The following GABRG3 variants were observed in gnomAD, a reference collection of about 807,000 sequenced individuals.
The protein encoded by GABRG3 is gamma-aminobutyric acid type A receptor subunit gamma3.
A neutral mutation model predicts 48.8 loss-of-function variants in GABRG3; 25 were observed. That is an observed-to-expected ratio of 0.51 (90% CI 0.37 to 0.72). GABRG3 has a LOEUF of 0.72. GABRG3 is among the 30% of genes least tolerant of loss of function. The pLI, the probability that GABRG3 is intolerant of heterozygous loss-of-function variation, is 0.00. For missense variants in GABRG3, 394 were observed against 577.9 expected (o/e 0.68, Z 3.26); for synonymous variants, 227 against 217.6 (o/e 1.04, Z -0.38).
At chr15:27,205,942 T>G (rs1470096023) in intron 3 of GABRG3, among the ~76,000 whole-genome samples, 1 of 152,084 alleles carries the variant, frequency 6.6e-6, no homozygotes, top group Non-Finnish European at 1.5e-5. Flanking sequence ...TGATTGTGTG[T>G]TTTTGGATCT....
intron 3 of GABRG3, among the ~76,000 whole-genome samples, chr15:27,261,731 A>T (rs1336859767): frequency 6.6e-6 from 1 of 151,942 alleles, no homozygotes; most frequent in East Asian, 1.9e-4. Context: ...GCGTATTTCC[A>T]TCTGTGGGAG....
intron 3 of GABRG3, among the ~76,000 whole-genome samples, chr15:27,067,105 C>T (rs1896750349): frequency 6.6e-6 from 1 of 152,206 alleles, no homozygotes; most frequent in Non-Finnish European, 1.5e-5. Flanking sequence ...CCCAGCCTCC[C>T]TGCGGCTGCA....
intron 3 of GABRG3, among the ~76,000 whole-genome samples, chr15:27,257,237 C>CT (rs942100271): frequency 6.6e-5 from 10 of 151,898 alleles, no homozygotes; most frequent in African/African-American, 2.4e-4. Context: ...GTCCTTTGTC[C>CT]TTTTTAAAAT....
chr15:27,527,689 T>C (rs556260076), intron 8 of GABRG3, 60 bp downstream of exon 8: 25 of 1,410,252 alleles, frequency 1.8e-5, no homozygotes, highest in Non-Finnish European at 2.3e-5. Flanking sequence ...GAGATGAGTG[T>C]GTACTTAAAT....
chr15:27,449,769 C>T (rs939897185), intron 5 of GABRG3, among the ~76,000 whole-genome samples: 2 of 152,204 alleles, frequency 1.3e-5, no homozygotes, highest in Non-Finnish European at 2.9e-5. Flanking sequence ...AACACCTACA[C>T]GCTGAGTCGT....
chr15:27,084,470 C>T (rs1428995482), intron 3 of GABRG3, among the ~76,000 whole-genome samples: 1 of 152,132 alleles, frequency 6.6e-6, no homozygotes, highest in Non-Finnish European at 1.5e-5. Flanking sequence ...AGTCTTTAAC[C>T]CAAGGTTCTT....
At chr15:27,327,569 C>T (rs1253472772) in intron 4 of GABRG3, among the ~76,000 whole-genome samples, 1 of 152,224 alleles carries the variant, frequency 6.6e-6, no homozygotes, top group Non-Finnish European at 1.5e-5. Context: ...GGTCTCTCCA[C>T]TGGGATGGTC....
chr15:27,269,399 G>A (rs371187818), intron 3 of GABRG3, among the ~76,000 whole-genome samples: 95 of 152,248 alleles, frequency 6.2e-4, no homozygotes, highest in African/African-American at 2.2e-3. Flanking sequence ...TGTGCTTTCT[G>A]TGTGTGCTGT....
chr15:26,991,677 A>C (rs1442817152), intron 2 of GABRG3, among the ~76,000 whole-genome samples: 1 of 152,000 alleles, frequency 6.6e-6, no homozygotes, highest in African/African-American at 2.4e-5. Flanking sequence ...TTTTATGTGT[A>C]GCTATTGTAA....
chr15:27,218,321 G>T (rs1012693013), intron 3 of GABRG3, among the ~76,000 whole-genome samples: 1 of 152,100 alleles, frequency 6.6e-6, no homozygotes, highest in Non-Finnish European at 1.5e-5. Flanking sequence ...TGTCTTATTC[G>T]TGGCAGGAAA....
chr15:27,282,671 A>G (rs372479263), intron 3 of GABRG3, among the ~76,000 whole-genome samples: 475 of 152,244 alleles, frequency 3.1e-3, no homozygotes, highest in South Asian at 7.5e-3. Flanking sequence ...CTCTACATAC[A>G]TGCTTTATAA....
intron 3 of GABRG3, among the ~76,000 whole-genome samples, chr15:27,309,047 T>C (rs1041627927): frequency 4.6e-5 from 7 of 150,980 alleles, no homozygotes; most frequent in African/African-American, 9.7e-5. Context: ...AACATATGTT[T>C]ATATAGAAAC....
At chr15:27,278,770 A>T (rs1441007892) in intron 3 of GABRG3, among the ~76,000 whole-genome samples, 1 of 152,208 alleles carries the variant, frequency 6.6e-6, no homozygotes, top group Non-Finnish European at 1.5e-5. Flanking sequence ...TTGTATGGGC[A>T]TAAGTTTTCA....
At chr15:27,234,246 A>G (rs1258774312) in intron 3 of GABRG3, among the ~76,000 whole-genome samples, 1 of 152,182 alleles carries the variant, frequency 6.6e-6, no homozygotes, top group Non-Finnish European at 1.5e-5. Context: ...CACAGCCCAC[A>G]GAAGCCAGTG....
intron 5 of GABRG3, among the ~76,000 whole-genome samples, chr15:27,464,321 T>C (rs1464776347): frequency 1.3e-5 from 2 of 152,322 alleles, no homozygotes; most frequent in Non-Finnish European, 2.9e-5. Flanking sequence ...TCCTCCAAAC[T>C]TGCCTATTCT....
chr15:27,518,704 G>A (rs1330159249), intron 6 of GABRG3, among the ~76,000 whole-genome samples: 1 of 152,160 alleles, frequency 6.6e-6, no homozygotes, highest in Non-Finnish European at 1.5e-5. Context: ...GCAAGTCTGA[G>A]GCCCTGGGTA....
intron 3 of GABRG3, among the ~76,000 whole-genome samples, chr15:27,257,284 A>G (rs1036484569): frequency 6.6e-6 from 1 of 151,614 alleles, no homozygotes; most frequent in Non-Finnish European, 1.5e-5. Flanking sequence ...GGTTCCTTGT[A>G]TGTTTAGGGT....
At chr15:27,462,775 A>G (rs969497157) in intron 5 of GABRG3, among the ~76,000 whole-genome samples, 1 of 152,236 alleles carries the variant, frequency 6.6e-6, no homozygotes, top group African/African-American at 2.4e-5. Context: ...CATTTATCCC[A>G]AAACTGGCAT....
At chr15:27,464,903 G>T (rs1167568332) in intron 5 of GABRG3, among the ~76,000 whole-genome samples, 2 of 152,092 alleles carry the variant, frequency 1.3e-5, no homozygotes, top group Non-Finnish European at 2.9e-5. Context: ...CTCATTCTGT[G>T]CCAGCACTCT....
Sources: gnomAD v4.1 joint callset for allele counts (sites outside exome capture counted in the v4.1 genomes callset) on GRCh38, gnomAD v4.1.1 for gene constraint, MANE v1.5 for transcripts, NCBI Gene and HGNC (gene_info 2026-07-23, HGNC 2026-07-21) for gene names.